Variants in GRM5 observed in about 807,000 individuals in gnomAD.
GRM5 encodes glutamate metabotropic receptor 5, also known as metabotropic glutamate receptor 5.
In GRM5, 19 loss-of-function variants were observed where a neutral mutation model predicts 83.1. That is an observed-to-expected ratio of 0.23 (90% confidence interval 0.16 to 0.34). The LOEUF is 0.34. Among genes scored for constraint, GRM5 ranks in the 10% least tolerant of loss-of-function variants. The pLI, the probability that GRM5 is intolerant of heterozygous loss-of-function variation, is 1.00. For synonymous variants in GRM5, 675 were observed against 633.6 expected (o/e 1.07, Z -0.98); for missense variants, 1,160 against 1,588.3 (o/e 0.73, Z 4.58).
At chr11:88,676,202 T>C (rs944069446) in intron 3 of GRM5, among the ~76,000 whole-genome samples, 1 of 152,028 alleles carries the variant, frequency 6.6e-6, no homozygotes, top group Admixed American at 6.6e-5. Context: ...CCCTGCTTGA[T>C]TGATTTTTTA....
At chr11:88,569,051 CA>C (rs1327975758) in intron 7 of GRM5, among the ~76,000 whole-genome samples, 2 of 152,098 alleles carry the variant, frequency 1.3e-5, no homozygotes, top group Admixed American at 1.3e-4. Flanking sequence ...CAGTGGTTCT[CA>C]AAGTTGGCTA....
chr11:88,724,858 G>A (rs941605977), intron 3 of GRM5, among the ~76,000 whole-genome samples: 7 of 152,182 alleles, frequency 4.6e-5, no homozygotes, highest in South Asian at 2.1e-4. Context: ...TGTAAGAAAC[G>A]GTGGATTCTG....
intron 2 of GRM5, among the ~76,000 whole-genome samples, chr11:88,970,808 G>C (rs1939145192): frequency 6.6e-6 from 1 of 152,206 alleles, no homozygotes; most frequent in Admixed American, 6.5e-5. Context: ...GAAGTGGGCA[G>C]TGGGCAGTGG....
intron 8 of GRM5, among the ~76,000 whole-genome samples, chr11:88,535,747 T>C (rs1203831127): frequency 6.6e-6 from 1 of 152,218 alleles, no homozygotes; most frequent in Non-Finnish European, 1.5e-5. Flanking sequence ...TTATAAATAC[T>C]GTGTGTGTCT....
At chr11:88,974,119 G>A (rs949573409) in intron 2 of GRM5, among the ~76,000 whole-genome samples, 3 of 152,126 alleles carry the variant, frequency 2.0e-5, no homozygotes, top group Admixed American at 1.3e-4. Context: ...AGATCAGAAA[G>A]AGAATAGAGA....
intron 1 of GRM5, chr11:89,063,602 A>G (rs1942043601): frequency 1.3e-5 from 2 of 152,252 alleles, no homozygotes; most frequent in South Asian, 4.2e-4. Flanking sequence ...CCCCAAGATG[A>G]TCTCAAGCTC....
chr11:88,686,861 C>G (rs1940637422), intron 3 of GRM5, among the ~76,000 whole-genome samples: 1 of 152,096 alleles, frequency 6.6e-6, no homozygotes, highest in Non-Finnish European at 1.5e-5. Flanking sequence ...TTATCAGCAG[C>G]ATGAAAACGG....
At chr11:88,750,713 A>G (rs1942250595) in intron 3 of GRM5, among the ~76,000 whole-genome samples, 1 of 152,132 alleles carries the variant, frequency 6.6e-6, no homozygotes, top group Non-Finnish European at 1.5e-5. Context: ...AAGAACTTAA[A>G]TCATAACAAA....
intron 2 of GRM5, among the ~76,000 whole-genome samples, chr11:88,890,143 G>C (rs368354414): frequency 1.3e-5 from 1 of 74,730 alleles, no homozygotes; most frequent in Admixed American, 1.4e-4. Flanking sequence ...CCCCACCCCC[G>C]ACTGAGAGAT....
intron 2 of GRM5, among the ~76,000 whole-genome samples, chr11:88,969,213 A>G (rs1238733292): frequency 6.6e-6 from 1 of 152,060 alleles, no homozygotes; most frequent in Non-Finnish European, 1.5e-5. Flanking sequence ...CTATGCTTTA[A>G]AAAATTTTCA....
chr11:88,734,687 A>G (rs1267958636), intron 3 of GRM5, among the ~76,000 whole-genome samples: 1 of 152,062 alleles, frequency 6.6e-6, no homozygotes, highest in Non-Finnish European at 1.5e-5. Context: ...AGATTACAGA[A>G]TATTTTCATC....
At chr11:88,975,773 T>TGTTG (rs1939315413) in intron 2 of GRM5, among the ~76,000 whole-genome samples, 1 of 152,234 alleles carries the variant, frequency 6.6e-6, no homozygotes, top group Non-Finnish European at 1.5e-5. Flanking sequence ...AAAATGACAA[T>TGTTG]GTTGGTCTCA....
chr11:88,646,267 A>G (rs921050277), intron 4 of GRM5, among the ~76,000 whole-genome samples: 9 of 152,114 alleles, frequency 5.9e-5, no homozygotes, highest in African/African-American at 2.2e-4. Context: ...TTACTGTTAA[A>G]TATACTATTA....
At chr11:88,562,620 A>G (rs1255529841) in intron 8 of GRM5, among the ~76,000 whole-genome samples, 1 of 151,720 alleles carries the variant, frequency 6.6e-6, no homozygotes, top group Non-Finnish European at 1.5e-5. Context: ...TTTGTGCTCC[A>G]CTTCTTCTTA....
rs184469130 is a variant in GRM5, at chr11:89,057,972, A to G, written c.-201+7804T>C. 1.8e-3 allele frequency among the ~76,000 whole-genome samples: 277 copies of G among 152,268 alleles called. 2 individuals carry two copies. Among genetic ancestry groups the G allele is most frequent in the African/African-American group, 6.3e-3 (260 of 41,560 alleles). ...TAGAAATCGAAGTTTAGAGGTCAAG[A>G]ATCTTCTCCAAAGTATCAAACCTAC... On this transcript the variant is annotated intron_variant, in intron 1 of 9. Coordinates refer to ENST00000305447, the MANE Select transcript of GRM5 (RefSeq NM_001143831.3).
intron 2 of GRM5, among the ~76,000 whole-genome samples, chr11:88,887,525 C>T (rs1442730811): frequency 6.6e-6 from 1 of 152,064 alleles, no homozygotes; most frequent in East Asian, 1.9e-4. Context: ...GTGTGACAAA[C>T]CCCAATCTCT....
intron 2 of GRM5, among the ~76,000 whole-genome samples, chr11:88,891,289 C>T (rs1945140372): frequency 6.6e-6 from 1 of 151,924 alleles, no homozygotes; most frequent in Non-Finnish European, 1.5e-5. Flanking sequence ...AAGGTTTTTG[C>T]CTTTTGAGTC....
At chr11:88,571,639 C>A (rs546816509) in intron 7 of GRM5, among the ~76,000 whole-genome samples, 3 of 152,148 alleles carry the variant, frequency 2.0e-5, no homozygotes, top group Non-Finnish European at 4.4e-5. Context: ...TTTGAATAAG[C>A]AACTTCAGTT....
chr11:88,544,480 T>C (rs915283153), intron 8 of GRM5, among the ~76,000 whole-genome samples: 10 of 152,242 alleles, frequency 6.6e-5, no homozygotes, highest in Non-Finnish European at 1.0e-4. Context: ...ATGTGTGCAT[T>C]GCCTCCTTGT....
Sources: allele counts gnomAD v4.1 joint callset (sites outside exome capture counted in the v4.1 genomes callset), GRCh38; gene constraint gnomAD v4.1.1; transcripts MANE v1.5; gene names NCBI Gene and HGNC (gene_info 2026-07-23, HGNC 2026-07-21).